Variants in CAMK2D observed in about 807,000 individuals in gnomAD.
CAMK2D encodes the protein calcium/calmodulin dependent protein kinase II delta, also known as calcium/calmodulin-dependent protein kinase type II subunit delta.
CAMK2D carries 37 observed loss-of-function variants against 84.0 expected under a neutral mutation model. The observed-to-expected ratio is 0.44, with a 90% CI of 0.34 to 0.58. The LOEUF (loss-of-function observed/expected upper bound fraction) is 0.58, where lower values mean the gene tolerates loss of function less well. Ranked by LOEUF, CAMK2D falls within the 20% of genes least tolerant of loss-of-function variation. CAMK2D has a pLI of 0.02. For synonymous variants in CAMK2D, 202 were observed against 212.5 expected, an observed-to-expected ratio of 0.95 and a Z score of 0.43; for missense variants, 448 against 652.5, an observed-to-expected ratio of 0.69 and a Z score of 3.41.
chr4:113,729,648 C>G (rs1163524981), intron 2 of CAMK2D, among the ~76,000 whole-genome samples: 1 of 152,174 alleles, frequency 6.6e-6, no homozygotes, highest in Non-Finnish European at 1.5e-5. Flanking sequence ...AGCACTTTAT[C>G]TTTGCTGCAC....
In CAMK2D at chr4:113,514,545, C is replaced by T. The variant is rs117640576; in HGVS notation, c.819+524G>A. Among the ~76,000 whole-genome samples the T allele has an allele frequency of 3.0e-4, 46 of 152,286 alleles. No individual in the cohort carries two copies. The East Asian group carries it at 8.9e-3, about 29-fold the overall frequency. ...ATTTACTTAGTGCCACATTTATCAC[C>T]TTAGCATTTGACACATTTGGAAATT... On this transcript the variant is annotated intron_variant, in intron 10 of 20. Coordinates refer to ENST00000511664, the MANE Select transcript of CAMK2D (RefSeq NM_001321571.2).
intron 6 of CAMK2D, 150 bp from the exon 7 acceptor site, chr4:113,537,593 TAC>T (rs1491545494): frequency 6.5e-6 from 4 of 613,452 alleles, no homozygotes; most frequent in Admixed American, 5.6e-5. Context: ...CCAGGGAAAA[TAC>T]AGTTAGAAAA....
intron 4 of CAMK2D, among the ~76,000 whole-genome samples, chr4:113,582,850 T>C (rs754369994): frequency 1.1e-4 from 17 of 152,218 alleles, no homozygotes; most frequent in Admixed American, 2.0e-4. Context: ...TGCCGATAAA[T>C]GGACACTCTC....
In CAMK2D at chr4:113,452,907, C is replaced by A. The variant is rs1005041795; in HGVS notation, c.*1638G>T. On this transcript the variant is annotated 3_prime_UTR_variant, in exon 21 of 21. Transcript: ENST00000511664. Reference sequence around the variant, plus strand: ...ACCATACATCCACTAGCAATAATATCTAAGATGATTAGTAATCAACACAGA... The same window carrying A: ...ACCATACATCCACTAGCAATAATATATAAGATGATTAGTAATCAACACAGA... The A allele has an allele frequency of 6.6e-6, 1 of 152,366 alleles. No homozygotes were observed. Among genetic ancestry groups the A allele is most frequent in the African/African-American group, 2.4e-5 (1 of 41,318 alleles). The allele number at this position is 152,366 out of a possible 1,614,324, so 9.4% of individuals were successfully genotyped here.
intron 4 of CAMK2D, among the ~76,000 whole-genome samples, chr4:113,554,326 A>G (rs1182024346): frequency 6.6e-6 from 1 of 152,128 alleles, no homozygotes; most frequent in Admixed American, 6.5e-5. Context: ...AAATCATACA[A>G]ATACCAAAGT....
intron 3 of CAMK2D, among the ~76,000 whole-genome samples, chr4:113,639,333 T>C (rs931346358): frequency 3.3e-5 from 5 of 152,186 alleles, no homozygotes; most frequent in African/African-American, 1.2e-4. Flanking sequence ...TATTATACCA[T>C]ACTCTGTGCT....
intron 4 of CAMK2D, among the ~76,000 whole-genome samples, chr4:113,584,180 G>C (rs976806339): frequency 6.6e-6 from 1 of 152,126 alleles, no homozygotes; most frequent in Non-Finnish European, 1.5e-5. Context: ...TGAATTCTGG[G>C]ATCTCATGTT....
At chr4:113,531,141 C>T (rs1281117184) in intron 8 of CAMK2D, 75 bp downstream of exon 8, 2 of 786,494 alleles carry the variant, frequency 2.5e-6, no homozygotes, top group South Asian at 2.8e-5. Context: ...TGGTCTATGA[C>T]AGATTGTTAT....
chr4:113,656,107 A>C (rs1485181722), intron 3 of CAMK2D, among the ~76,000 whole-genome samples: 1 of 152,130 alleles, frequency 6.6e-6, no homozygotes, highest in Non-Finnish European at 1.5e-5. Flanking sequence ...AAATAAGCCA[A>C]TTTTATTAAA....
chr4:113,761,503 G>A lies in CAMK2D; in HGVS notation c.-435C>T. The A allele has an allele frequency of 9.6e-7, 1 of 1,041,042 alleles. No individual in the cohort carries two copies. The highest frequency in any genetic ancestry group is 1.2e-6 in the Non-Finnish European group (1 of 862,844). The allele number at this position is 1,041,042 out of a possible 1,614,324, so 64.5% of individuals were successfully genotyped here. On this transcript the variant is annotated 5_prime_UTR_variant, in exon 1 of 21. Transcript: ENST00000511664. The stretch of plus-strand genomic sequence containing the variant: ...GAAGCAGAGGGGAGGGAGTCCGAGG[G>A]GGCGGAGGTGGAGTGCAGCGGGGCC...
In CAMK2D at chr4:113,551,926, T is replaced by G. The variant is rs1045213381; in HGVS notation, c.341+105A>C. ...TTTTCTCTAAGAATCATCCCGGAGATCCTTAAAACATTTGTTTGTACAAAC... is the reference window on the plus strand; with the variant it reads ...TTTTCTCTAAGAATCATCCCGGAGAGCCTTAAAACATTTGTTTGTACAAAC... On this transcript the variant is annotated intron_variant, in intron 5 of 20. Coordinates refer to ENST00000511664, the MANE Select transcript of CAMK2D (RefSeq NM_001321571.2). 14 of 511,570 alleles carry G rather than the reference T, an allele frequency of 2.7e-5. No homozygotes were observed. In the South Asian group the frequency reaches 5.0e-4, roughly 18 times the overall value. 31.7% of individuals were successfully genotyped at this position (511,570 alleles called of 1,614,324 possible).
chr4:113,645,660 T>C (rs985046420), intron 3 of CAMK2D, among the ~76,000 whole-genome samples: 1 of 151,844 alleles, frequency 6.6e-6, no homozygotes, highest in African/African-American at 2.4e-5. Flanking sequence ...AGGGCTACCC[T>C]AGAATAAGGT....
At chr4:113,676,541 T>C (rs375810368) in intron 2 of CAMK2D, among the ~76,000 whole-genome samples, 7 of 152,346 alleles carry the variant, frequency 4.6e-5, no homozygotes, top group African/African-American at 1.7e-4. Flanking sequence ...TGGCCTTCTT[T>C]GAGTTCCTCA....
chr4:113,536,606 T>C (rs920789445), intron 7 of CAMK2D, among the ~76,000 whole-genome samples: 6 of 152,130 alleles, frequency 3.9e-5, no homozygotes, highest in Admixed American at 6.6e-5. Flanking sequence ...TTTGGAACTA[T>C]ACATGGGAAG....
At chr4:113,607,370 T>C (rs774557177) in intron 4 of CAMK2D, among the ~76,000 whole-genome samples, 17 of 152,118 alleles carry the variant, frequency 1.1e-4, no homozygotes, top group South Asian at 2.1e-4. Context: ...ATTCTAAATA[T>C]GGCAGATATG....
intron 17 of CAMK2D, among the ~76,000 whole-genome samples, chr4:113,462,338 G>GTCTA (rs1215010791): frequency 0.015 from 1,989 of 130,394 alleles, 32 homozygotes; most frequent in Non-Finnish European, 0.023. Context: ...CTGTCTGTCT[G>GTCTA]TCTATCTATC....
chr4:113,695,002 AATAAG>A (rs2099398637), intron 2 of CAMK2D, among the ~76,000 whole-genome samples: 1 of 152,186 alleles, frequency 6.6e-6, no homozygotes, highest in South Asian at 2.1e-4. Flanking sequence ...GGAACATGAA[AATAAG>A]TTTCGCACTT....
At chr4:113,569,019 T>G (rs10019108) in intron 4 of CAMK2D, among the ~76,000 whole-genome samples, 5,948 of 152,150 alleles carry the variant, frequency 0.039, 396 homozygotes, top group African/African-American at 0.13. Flanking sequence ...TTTGCAAATA[T>G]TTTCTCCTAT....
chr4:113,730,939 TAG>T (rs1431099506), intron 2 of CAMK2D, among the ~76,000 whole-genome samples: 1 of 152,232 alleles, frequency 6.6e-6, no homozygotes, highest in Non-Finnish European at 1.5e-5. Flanking sequence ...ACTGAACTAG[TAG>T]AGTCTTGTAA....
Sources: allele counts gnomAD v4.1 joint callset (sites outside exome capture counted in the v4.1 genomes callset), GRCh38; gene constraint gnomAD v4.1.1; transcripts MANE v1.5; gene names NCBI Gene and HGNC (gene_info 2026-07-23, HGNC 2026-07-21).